Variants in ADGRL3 observed in about 807,000 individuals in gnomAD.
The protein encoded by ADGRL3 is calcium-independent alpha-latrotoxin receptor 3.
ADGRL3 carries 62 observed loss-of-function variants against 153.5 expected under a neutral mutation model. The ratio of observed to expected loss-of-function variants is 0.40; its 90% CI spans 0.33 to 0.50. ADGRL3 has a LOEUF of 0.50. Among genes scored for constraint, ADGRL3 ranks in the 20% least tolerant of loss-of-function variants. The pLI is 0.47. For missense variants in ADGRL3, 1,641 were observed against 1,859.4 expected (o/e 0.88, Z 2.16); for synonymous variants, 710 against 672.5 (o/e 1.06, Z -0.86).
chr4:61,235,846 T>C (rs1752575150), intron 1 of ADGRL3, among the ~76,000 whole-genome samples: 1 of 152,106 alleles, frequency 6.6e-6, no homozygotes, highest in Non-Finnish European at 1.5e-5. Flanking sequence ...GTGGGACCCC[T>C]AATATCCTGG....
At position 61,892,704 on chromosome 4, in the gene ADGRL3, C is replaced by A. The variant is rs1300437175; in HGVS notation, c.1529C>A (p.Thr510Asn). The change falls in exon 10 of 27, where the codon ACC becomes AAC. Residue 510 changes from threonine to asparagine, a missense_variant. Thr to Asn is a moderately conservative substitution (Grantham distance 65, BLOSUM62 0). Transcript: ENST00000683033. The stretch of plus-strand genomic sequence containing the variant: ...GGCATGGGAAGCACTACCACCAGTA[C>A]CACCCTTCGGACCACAACTTTGAGC... Reference protein sequence around the residue: ...PLGMGSTTTSTTLRTTTLSPG... With the variant: ...PLGMGSTTTSNTLRTTTLSPG... 1.2e-6 allele frequency: 2 copies of A among 1,613,816 alleles called. No homozygotes were observed. Among genetic ancestry groups the A allele is most frequent in the African/African-American group, 2.7e-5 (2 of 74,914 alleles).
intron 5 of ADGRL3, among the ~76,000 whole-genome samples, chr4:61,628,140 A>G (rs1224899993): frequency 6.6e-6 from 1 of 152,194 alleles, no homozygotes; most frequent in African/African-American, 2.4e-5. Flanking sequence ...TAATTTACTT[A>G]ATTCTGTAAC....
intron 9 of ADGRL3, among the ~76,000 whole-genome samples, chr4:61,835,042 A>G (rs1036288431): frequency 2.0e-5 from 3 of 152,150 alleles, no homozygotes; most frequent in Admixed American, 1.3e-4. Context: ...CTTAAAGTGT[A>G]TGTTTTTACC....
intron 21 of ADGRL3, among the ~76,000 whole-genome samples, chr4:62,027,741 T>A (rs1314829806): frequency 1.3e-5 from 2 of 151,976 alleles, no homozygotes; most frequent in Non-Finnish European, 2.9e-5. Context: ...TGAACACATT[T>A]TGTGTTAGAC....
intron 4 of ADGRL3, among the ~76,000 whole-genome samples, chr4:61,555,319 C>T (rs763077172): frequency 6.6e-6 from 1 of 152,092 alleles, no homozygotes; most frequent in Non-Finnish European, 1.5e-5. Context: ...TTTGTATAGA[C>T]CTATTTTAAT....
At chr4:62,057,193 A>G (rs1737495020) in intron 25 of ADGRL3, among the ~76,000 whole-genome samples, 1 of 152,078 alleles carries the variant, frequency 6.6e-6, no homozygotes, top group Admixed American at 6.6e-5. Flanking sequence ...TCTGTTTTTT[A>G]CTTTACAGTT....
rs1345564639 is a variant in ADGRL3 at position 61,252,544 on chromosome 4, T to C, written c.-240+50779T>C. 6.3e-4 allele frequency among the ~76,000 whole-genome samples: 96 copies of C among 152,228 alleles called. 3 individuals are homozygous for C. The highest frequency in any genetic ancestry group is 6.3e-3 in the Admixed American group (96 of 15,284). On this transcript the variant is annotated intron_variant, in intron 1 of 26. Transcript: ENST00000683033. ...TGTAGTTGTAATTGTGTTTCAGTTG[T>C]AAATGTCTCATTAACTTTATAAATT... is the stretch of plus-strand genomic sequence containing the variant.
intron 5 of ADGRL3, among the ~76,000 whole-genome samples, chr4:61,592,117 T>C (rs867907185): frequency 6.6e-6 from 1 of 151,904 alleles, no homozygotes; most frequent in African/African-American, 2.4e-5. Context: ...TCCCCATCTT[T>C]CTGAAAAGTT....
At chr4:61,759,707 C>T (rs965985625) in intron 8 of ADGRL3, among the ~76,000 whole-genome samples, 1 of 152,176 alleles carries the variant, frequency 6.6e-6, no homozygotes, top group African/African-American at 2.4e-5. Context: ...TGTTCCATTG[C>T]TGGTGAGGAG....
rs551162458 is a variant in ADGRL3 at position 61,488,728 on chromosome 4, C to T, written c.-173-8393C>T. Among the ~76,000 whole-genome samples, 15 of 152,074 alleles carry T rather than the reference C, an allele frequency of 9.9e-5. No homozygotes were observed. The East Asian group carries it at 1.5e-3, about 16-fold the overall frequency. ...ACAACTTGAAAAATTGTTGACTTAA[C>T]GTTCTTCAAATAATCTATTAATTTA... On this transcript the variant is annotated intron_variant, in intron 2 of 26. Transcript: ENST00000683033.
intron 4 of ADGRL3, among the ~76,000 whole-genome samples, chr4:61,566,853 G>A (rs2098818362): frequency 6.6e-6 from 1 of 151,828 alleles, no homozygotes; most frequent in African/African-American, 2.4e-5. Flanking sequence ...TTTTTTGAAG[G>A]AAATCTAATC....
intron 9 of ADGRL3, among the ~76,000 whole-genome samples, chr4:61,836,854 A>C (rs1273634201): frequency 6.6e-6 from 1 of 152,064 alleles, no homozygotes; most frequent in Non-Finnish European, 1.5e-5. Context: ...CCTCACTGTA[A>C]GTGTAGTAGT....
intron 2 of ADGRL3, among the ~76,000 whole-genome samples, chr4:61,383,795 G>C (rs1186371994): frequency 6.6e-6 from 1 of 151,714 alleles, no homozygotes; most frequent in Non-Finnish European, 1.5e-5. Context: ...GTAACTTTAA[G>C]TCAATATCCA....
intron 1 of ADGRL3, among the ~76,000 whole-genome samples, chr4:61,354,861 G>T (rs1439841145): frequency 6.6e-6 from 1 of 152,072 alleles, no homozygotes; most frequent in East Asian, 1.9e-4. Context: ...GCCTTGAACA[G>T]TGGTATAGTT....
chr4:61,671,114 A>G lies in ADGRL3; in HGVS notation c.474-5712A>G, dbSNP rs557347595. ...CAGCCCCTACCTGCCTCCTCTCTCA[A>G]TTTTACTGAAATTAGCAGGAAAAAA... On this transcript the variant is annotated intron_variant, in intron 5 of 26. Coordinates refer to ENST00000683033, the MANE Select transcript of ADGRL3 (RefSeq NM_001387552.1). Among the ~76,000 whole-genome samples, 3 of 152,130 alleles carry G rather than the reference A, an allele frequency of 2.0e-5. No homozygotes were observed. In the South Asian group the frequency reaches 6.2e-4, roughly 32 times the overall value.
intron 17 of ADGRL3, among the ~76,000 whole-genome samples, chr4:61,974,305 C>T (rs1203181330): frequency 6.6e-6 from 1 of 152,024 alleles, no homozygotes; most frequent in Non-Finnish European, 1.5e-5. Context: ...TTATAAGTAC[C>T]ACAAATATTT....
chr4:61,753,997 C>CA (rs1561186565), intron 8 of ADGRL3, among the ~76,000 whole-genome samples: 1 of 152,176 alleles, frequency 6.6e-6, no homozygotes, highest in Non-Finnish European at 1.5e-5. Flanking sequence ...CCAAGATACT[C>CA]AATGTATTTG....
intron 2 of ADGRL3, among the ~76,000 whole-genome samples, chr4:61,495,647 T>A (rs925734697): frequency 6.6e-6 from 1 of 152,172 alleles, no homozygotes; most frequent in Non-Finnish European, 1.5e-5. Flanking sequence ...AGTATTTTGG[T>A]TTCCTAAGAT....
intron 11 of ADGRL3, among the ~76,000 whole-genome samples, chr4:61,901,921 G>T (rs952125008): frequency 6.6e-6 from 1 of 152,070 alleles, no homozygotes; most frequent in Non-Finnish European, 1.5e-5. Context: ...TTATTTCTGA[G>T]AAAAATTTTA....
Sources: gnomAD v4.1 joint callset for allele counts (sites outside exome capture counted in the v4.1 genomes callset) on GRCh38, gnomAD v4.1.1 for gene constraint, MANE v1.5 for transcripts, NCBI Gene and HGNC (gene_info 2026-07-23, HGNC 2026-07-21) for gene names.